The following CEP63 variants were observed in gnomAD, a reference collection of about 807,000 sequenced individuals.
The protein encoded by CEP63 is centrosomal protein of 63 kDa.
A neutral mutation model predicts 89.1 loss-of-function variants in CEP63; 84 were observed. The observed-to-expected ratio is 0.94, with a 90% CI of 0.79 to 1.13. The LOEUF is 1.13. Ranked by LOEUF, CEP63 falls within the 50% of genes most tolerant of loss-of-function variation. The probability of loss-of-function intolerance (pLI) is 0.00; values close to 1 mark genes in which losing one functional copy is unlikely to be tolerated. For synonymous variants in CEP63, 267 were observed against 272.5 expected (o/e 0.98, Z 0.20); for missense variants, 838 against 813.3 (o/e 1.03, Z -0.37).
chr3:134,652,038 A>T, the CEP63 span, among the ~76,000 whole-genome samples: 1 of 152,106 alleles, frequency 6.6e-6, no homozygotes, highest in South Asian at 2.1e-4. Flanking sequence ...ACCTTGTAGC[A>T]TGGTCCTGAG....
At chr3:134,662,387 G>A in the CEP63 span, among the ~76,000 whole-genome samples, 90,089 of 152,056 alleles carry the variant, frequency 0.59, 28,132 homozygotes, top group East Asian at 0.88. Flanking sequence ...GTCTAGAGCT[G>A]TAAGAAATAA....
chr3:134,509,346 C>T (rs1301252853), intron 3 of CEP63, among the ~76,000 whole-genome samples: 1 of 152,168 alleles, frequency 6.6e-6, no homozygotes, highest in Non-Finnish European at 1.5e-5. Flanking sequence ...ACAACGAGAA[C>T]AGCACCAGTG....
chr3:134,761,560 T>C, the CEP63 span, among the ~76,000 whole-genome samples: 1 of 152,146 alleles, frequency 6.6e-6, no homozygotes, highest in Admixed American at 6.5e-5. Flanking sequence ...AAATTATTGT[T>C]TTTGCTGACA....
chr3:134,608,845 G>T, the CEP63 span: 12 of 1,602,702 alleles, frequency 7.5e-6, no homozygotes, highest in Non-Finnish European at 1.0e-5. Context: ...TGTAGCTGGA[G>T]CAGAGACAAG....
At chr3:134,661,684 A>T in the CEP63 span, among the ~76,000 whole-genome samples, 1 of 152,090 alleles carries the variant, frequency 6.6e-6, no homozygotes, top group African/African-American at 2.4e-5. Context: ...AGAGAGAAAG[A>T]GGATAAAGGG....
chr3:134,720,709 T>C, the CEP63 span, among the ~76,000 whole-genome samples: 1 of 152,276 alleles, frequency 6.6e-6, no homozygotes, highest in Admixed American at 6.5e-5. Context: ...AATCCAGTTT[T>C]CCCAGCACCA....
At chr3:134,740,995 A>G in the CEP63 span, among the ~76,000 whole-genome samples, 1 of 151,978 alleles carries the variant, frequency 6.6e-6, no homozygotes, top group Non-Finnish European at 1.5e-5. Flanking sequence ...TTACTCATCA[A>G]CCCTCTCTGT....
At chr3:134,635,493 TAAAAAA>T in the CEP63 span, among the ~76,000 whole-genome samples, 1 of 79,352 alleles carries the variant, frequency 1.3e-5, no homozygotes, top group Admixed American at 1.8e-4. Flanking sequence ...CGAGACTCTG[TAAAAAA>T]AAAAAAAAAA....
chr3:134,593,390 G>C, the CEP63 span, among the ~76,000 whole-genome samples: 1 of 152,206 alleles, frequency 6.6e-6, no homozygotes, highest in Non-Finnish European at 1.5e-5. Context: ...CACAGTAGGT[G>C]CTATGAGTAT....
chr3:134,653,660 G>A, the CEP63 span, among the ~76,000 whole-genome samples: 1 of 152,236 alleles, frequency 6.6e-6, no homozygotes, highest in East Asian at 1.9e-4. Flanking sequence ...TATCAGGAAA[G>A]GGGAAGGAGA....
At chr3:134,529,906 C>T (rs1949517596) in intron 3 of CEP63, among the ~76,000 whole-genome samples, 1 of 123,374 alleles carries the variant, frequency 8.1e-6, no homozygotes, top group African/African-American at 3.1e-5. Flanking sequence ...CGGGGTCTTG[C>T]TCTGTCGCCC....
intron 6 of CEP63, among the ~76,000 whole-genome samples, chr3:134,542,802 T>G (rs1433310308): frequency 6.6e-6 from 1 of 152,174 alleles, no homozygotes; most frequent in African/African-American, 2.4e-5. Context: ...AACTGCCTTC[T>G]TGATTGCTTC....
the CEP63 span, among the ~76,000 whole-genome samples, chr3:134,686,437 T>G: frequency 6.6e-6 from 1 of 152,210 alleles, no homozygotes; most frequent in East Asian, 1.9e-4. Flanking sequence ...TGACCTGGGC[T>G]AGGGTCAGCA....
intron 12 of CEP63, among the ~76,000 whole-genome samples, chr3:134,555,603 A>T (rs1049475860): frequency 1.2e-4 from 18 of 152,218 alleles, no homozygotes; most frequent in African/African-American, 3.1e-4. Flanking sequence ...ACTACAAACC[A>T]CTGCTCAAGG....
chr3:134,617,409 TTC>T, the CEP63 span, among the ~76,000 whole-genome samples: 2 of 152,180 alleles, frequency 1.3e-5, no homozygotes, highest in African/African-American at 2.4e-5. Flanking sequence ...GGGTGTAGGA[TTC>T]TGAGATGGGT....
chr3:134,492,211 C>T (rs186565518), intron 1 of CEP63, among the ~76,000 whole-genome samples: 138 of 151,612 alleles, frequency 9.1e-4, no homozygotes, highest in African/African-American at 3.1e-3. Flanking sequence ...GTAGCTGGGA[C>T]TACAGGCGCG....
At chr3:134,676,154 A>G in the CEP63 span, among the ~76,000 whole-genome samples, 2 of 152,352 alleles carry the variant, frequency 1.3e-5, no homozygotes, top group East Asian at 3.9e-4. Context: ...ATTATTCTTA[A>G]CAGCTTTAAA....
chr3:134,608,044 G>T, the CEP63 span: 1 of 1,065,364 alleles, frequency 9.4e-7, no homozygotes, highest in Non-Finnish European at 1.1e-6. Flanking sequence ...CCCTAAGGAA[G>T]TCTGCCCCAA....
At position 134,552,281 on chromosome 3, in the gene CEP63, G is replaced by A. The variant is rs1346592658; in HGVS notation, c.1467+269G>A. On this transcript the variant is annotated intron_variant, in intron 12 of 14. Transcript: ENST00000675561. The stretch of plus-strand genomic sequence containing the variant: ...TGCAATGGCGTGATCTTGGCTCACC[G>A]CAGCCTCCACCTCCCGGGTTCAAAT... 6 of 236,086 alleles carry A rather than the reference G, an allele frequency of 2.5e-5. No homozygotes were observed. The East Asian group carries it at 3.3e-4, about 13-fold the overall frequency. 14.6% of individuals were successfully genotyped at this position (236,086 alleles called of 1,614,324 possible).
Sources: gnomAD v4.1 joint callset for allele counts (sites outside exome capture counted in the v4.1 genomes callset) on GRCh38, gnomAD v4.1.1 for gene constraint, MANE v1.5 for transcripts, NCBI Gene and HGNC (gene_info 2026-07-23, HGNC 2026-07-21) for gene names.